The following SOX6 variants were observed in gnomAD, a reference collection of about 807,000 sequenced individuals.
SOX6 encodes the protein SRY-box transcription factor 6, also known as transcription factor SOX-6.
A neutral mutation model predicts 97.8 loss-of-function variants in SOX6; 11 were observed. The ratio of observed to expected loss-of-function variants is 0.11; its 90% CI spans 0.07 to 0.19. SOX6 has a LOEUF of 0.19. Ranked by LOEUF, SOX6 falls within the 10% of genes least tolerant of loss-of-function variation. The pLI is 1.00. For missense variants in SOX6, 810 were observed against 1,039.5 expected (o/e 0.78, Z 3.04); for synonymous variants, 360 against 371.4 (o/e 0.97, Z 0.35).
chr11:16,083,036 C>T (rs1848503885), intron 9 of SOX6, among the ~76,000 whole-genome samples: 1 of 152,160 alleles, frequency 6.6e-6, no homozygotes, highest in South Asian at 2.1e-4. Flanking sequence ...TGCCATTCTG[C>T]ATCCTTCCCC....
intron 2 of SOX6, among the ~76,000 whole-genome samples, chr11:16,327,489 C>T (rs1251435242): frequency 6.6e-6 from 1 of 152,050 alleles, no homozygotes; most frequent in Admixed American, 6.6e-5. Context: ...CACCTCAAAC[C>T]AATTCCATTG....
intron 4 of SOX6, among the ~76,000 whole-genome samples, chr11:16,522,445 T>C (rs56153248): frequency 0.11 from 15,983 of 151,942 alleles, 902 homozygotes; most frequent in Non-Finnish European, 0.14. Context: ...GATTTTGTCA[T>C]CACCAGGCCT....
chr11:16,223,532 T>C (rs1381096654), intron 4 of SOX6, among the ~76,000 whole-genome samples: 1 of 152,146 alleles, frequency 6.6e-6, no homozygotes, highest in African/African-American at 2.4e-5. Flanking sequence ...TATTAATGTA[T>C]GGATGTATAG....
In SOX6 at chr11:16,676,497, G is replaced by A. The variant is rs138218801; in HGVS notation, n.429+38333C>T. Among the ~76,000 whole-genome samples, 99 of 152,230 alleles carry A rather than the reference G, an allele frequency of 6.5e-4. 2 individuals are homozygous for A. In the East Asian group the frequency reaches 0.016, roughly 25 times the overall value. On this transcript the variant is annotated intron_variant and non_coding_transcript_variant, in intron 3 of 5. Coordinates refer to the SOX6 transcript ENST00000524520. ...ATACTTGTTGAATATCTGATACTTT[G>A]ACAAGTATAATGTGAAATCTCTGGA...
chr11:16,422,364 A>G (rs1484765431), intron 1 of SOX6, among the ~76,000 whole-genome samples: 5 of 152,228 alleles, frequency 3.3e-5, no homozygotes, highest in Non-Finnish European at 4.4e-5. Context: ...TAGTAAAATG[A>G]TCTGTGCAAA....
intron 4 of SOX6, among the ~76,000 whole-genome samples, chr11:16,212,987 C>A (rs1323992686): frequency 6.6e-6 from 1 of 152,132 alleles, no homozygotes; most frequent in African/African-American, 2.4e-5. Context: ...GTTTTCCTTG[C>A]AGAAGCCACA....
intron 2 of SOX6, among the ~76,000 whole-genome samples, chr11:16,716,689 ACC>A (rs962196892): frequency 3.3e-5 from 5 of 152,324 alleles, no homozygotes; most frequent in African/African-American, 1.2e-4. Flanking sequence ...CAACTCACAT[ACC>A]CATCAACAAA....
intron 6 of SOX6, among the ~76,000 whole-genome samples, chr11:16,149,825 C>T (rs544525268): frequency 7.2e-4 from 110 of 152,274 alleles, no homozygotes; most frequent in Non-Finnish European, 1.0e-3. Flanking sequence ...ATTTAGCTAA[C>T]TGGTGTTAAT....
rs377060628 is a variant in SOX6 at position 16,709,510 on chromosome 11, T to C, written n.429+5320A>G. Among the ~76,000 whole-genome samples, 9 of 150,608 alleles carry C rather than the reference T, an allele frequency of 6.0e-5. No individual in the cohort carries two copies. The East Asian group carries it at 7.8e-4, about 13-fold the overall frequency. Reference sequence around the variant, plus strand: ...TCCAGCCTGGGAAACATAGCAAGACTGTGTCTCAAAAAAAAAAGAAGTGTG... The same window carrying C: ...TCCAGCCTGGGAAACATAGCAAGACCGTGTCTCAAAAAAAAAAGAAGTGTG... On this transcript the variant is annotated intron_variant and non_coding_transcript_variant, in intron 3 of 5. Coordinates refer to the SOX6 transcript ENST00000524520.
chr11:16,520,700 G>A (rs1004423780), intron 4 of SOX6, among the ~76,000 whole-genome samples: 2 of 152,246 alleles, frequency 1.3e-5, no homozygotes, highest in Admixed American at 6.5e-5. Context: ...GAAGCGCAAG[G>A]GGTCAGGGAG....
intron 6 of SOX6, among the ~76,000 whole-genome samples, chr11:16,129,096 G>A (rs1198142511): frequency 6.8e-6 from 1 of 146,732 alleles, no homozygotes; most frequent in Admixed American, 7.0e-5. Context: ...TCGAACTCCC[G>A]ACCTCAGGTG....
intron 4 of SOX6, among the ~76,000 whole-genome samples, chr11:16,537,614 T>C (rs527827710): frequency 1.3e-5 from 2 of 152,216 alleles, no homozygotes; most frequent in South Asian, 4.2e-4. Context: ...GAATAAACAG[T>C]GTAGAGAAGA....
At chr11:16,205,886 T>C (rs1300575490) in intron 4 of SOX6, among the ~76,000 whole-genome samples, 1 of 152,122 alleles carries the variant, frequency 6.6e-6, no homozygotes, top group African/African-American at 2.4e-5. Flanking sequence ...CTGCCTGTAA[T>C]ATGAGAGGTT....
rs182275358 is a variant in SOX6 at position 16,541,929 on chromosome 11, A to G, written n.610-65541T>C. ...GACGATTCCTCAAGGATCTAGAACCAGAAATACCATTTGACCCAGCAATCC... is the reference window on the plus strand; with the variant it reads ...GACGATTCCTCAAGGATCTAGAACCGGAAATACCATTTGACCCAGCAATCC... On this transcript the variant is annotated intron_variant and non_coding_transcript_variant, in intron 4 of 5. Coordinates refer to the SOX6 transcript ENST00000524520. Among the ~76,000 whole-genome samples, 257 of 152,364 alleles carry G rather than the reference A, an allele frequency of 1.7e-3. 1 individual carries two copies. The highest frequency in any genetic ancestry group is 4.6e-3 in the South Asian group (22 of 4,832).
At chr11:16,072,286 G>C (rs573799105) in intron 9 of SOX6, among the ~76,000 whole-genome samples, 6 of 152,232 alleles carry the variant, frequency 3.9e-5, no homozygotes, top group Admixed American at 2.0e-4. Flanking sequence ...CTCACTTCAA[G>C]AATTTCATAA....
At chr11:16,457,054 G>A (rs976222722) in intron 1 of SOX6, among the ~76,000 whole-genome samples, 2 of 151,990 alleles carry the variant, frequency 1.3e-5, no homozygotes, top group African/African-American at 4.8e-5. Context: ...ATACAAAAGG[G>A]TTCAAGACTT....
chr11:16,114,575 C>G (rs1849303952), intron 6 of SOX6, among the ~76,000 whole-genome samples: 1 of 152,082 alleles, frequency 6.6e-6, no homozygotes, highest in African/African-American at 2.4e-5. Context: ...ATAAAACAAG[C>G]AATAGTTGAT....
chr11:16,341,406 T>C (rs935519695), intron 1 of SOX6, 154 bp from the exon 2 acceptor site: 2 of 1,044,722 alleles, frequency 1.9e-6, no homozygotes, highest in African/African-American at 3.2e-5. Context: ...ACTCCTGGCT[T>C]ATGTGTCCTT....
intron 2 of SOX6, among the ~76,000 whole-genome samples, chr11:16,716,240 A>T (rs984673895): frequency 2.6e-5 from 4 of 152,132 alleles, no homozygotes; most frequent in Non-Finnish European, 4.4e-5. Context: ...TGTCTGAAAA[A>T]AAATAAATAA....
Sources: allele counts gnomAD v4.1 joint callset (sites outside exome capture counted in the v4.1 genomes callset), GRCh38; gene constraint gnomAD v4.1.1; transcripts MANE v1.5; gene names NCBI Gene and HGNC (gene_info 2026-07-23, HGNC 2026-07-21).